ZCCHC24: variants seen among roughly 807,000 people sequenced by gnomAD.
The protein encoded by ZCCHC24 is zinc finger CCHC-type containing 24, also known as zinc finger CCHC domain-containing protein 24.
A neutral mutation model predicts 26.2 loss-of-function variants in ZCCHC24; 10 were observed. The observed-to-expected ratio is 0.38, with a 90% CI of 0.24 to 0.65. ZCCHC24 has a LOEUF of 0.65. Ranked by LOEUF, ZCCHC24 falls within the 30% of genes least tolerant of loss-of-function variation. The pLI is 0.54. For synonymous variants in ZCCHC24, 144 were observed against 147.1 expected (o/e 0.98, Z 0.15); for missense variants, 243 against 329.1 (o/e 0.74, Z 2.03).
At chr10:79,415,746 C>T (rs1856851046) in intron 2 of ZCCHC24, among the ~76,000 whole-genome samples, 1 of 152,138 alleles carries the variant, frequency 6.6e-6, no homozygotes, top group Admixed American at 6.5e-5. Context: ...AGAGCCTCTG[C>T]CCAACTTCAG....
At chr10:79,386,542 GAGAC>G (rs1051751754) in intron 3 of ZCCHC24, 84 bp from the exon 4 acceptor site, 6 of 1,109,262 alleles carry the variant, frequency 5.4e-6, no homozygotes, top group Non-Finnish European at 7.7e-6. Flanking sequence ...GAGACACACA[GAGAC>G]AGACAGGTGA....
At chr10:79,436,731 A>G (rs1057319965) in intron 1 of ZCCHC24, among the ~76,000 whole-genome samples, 2 of 152,244 alleles carry the variant, frequency 1.3e-5, no homozygotes, top group African/African-American at 4.8e-5. Flanking sequence ...CAGATGCCCT[A>G]GCGGTCTCAT....
chr10:79,403,151 C>T (rs1856660610), intron 2 of ZCCHC24, among the ~76,000 whole-genome samples: 1 of 152,378 alleles, frequency 6.6e-6, no homozygotes, highest in South Asian at 2.1e-4. Flanking sequence ...CGGACTCACA[C>T]CTGTGAAAAC....
At chr10:79,425,556 C>T (rs558006381) in intron 2 of ZCCHC24, among the ~76,000 whole-genome samples, 1 of 152,312 alleles carries the variant, frequency 6.6e-6, no homozygotes, top group South Asian at 2.1e-4. Context: ...ATTGAAAAAG[C>T]ATGCGCTCTG....
chr10:79,408,020 AG>A (rs1589666137), intron 2 of ZCCHC24, among the ~76,000 whole-genome samples: 1 of 152,310 alleles, frequency 6.6e-6, no homozygotes, highest in East Asian at 1.9e-4. Flanking sequence ...CGGGCTGCTC[AG>A]GGGCTCCAGC....
intron 3 of ZCCHC24, among the ~76,000 whole-genome samples, chr10:79,393,300 C>T (rs1018916396): frequency 6.6e-6 from 1 of 152,212 alleles, no homozygotes; most frequent in African/African-American, 2.4e-5. Context: ...TAACCTGTAT[C>T]AGAGGACCCC....
At chr10:79,427,678 A>C (rs1857052588) in intron 2 of ZCCHC24, among the ~76,000 whole-genome samples, 1 of 152,072 alleles carries the variant, frequency 6.6e-6, no homozygotes, top group African/African-American at 2.4e-5. Context: ...AACTTATGGG[A>C]TGGGGCTCAG....
chr10:79,434,075 C>T (rs776776693), intron 1 of ZCCHC24, among the ~76,000 whole-genome samples: 6 of 152,218 alleles, frequency 3.9e-5, no homozygotes, highest in Non-Finnish European at 7.3e-5. Context: ...GTTCTTGGTG[C>T]CTCAGGACAC....
At chr10:79,428,210 A>G (rs1392430830) in intron 2 of ZCCHC24, among the ~76,000 whole-genome samples, 1 of 152,244 alleles carries the variant, frequency 6.6e-6, no homozygotes, top group Non-Finnish European at 1.5e-5. Flanking sequence ...AAATGGATAC[A>G]TGCTACAGTG....
rs1049312610 is a variant in ZCCHC24 at position 79,385,003 on chromosome 10, C to T, written c.*1342G>A. 6.6e-6 allele frequency: 1 copy of T among 152,208 alleles called. No homozygotes were observed. Among genetic ancestry groups the T allele is most frequent in the Non-Finnish European group, 1.5e-5 (1 of 68,046 alleles). 9.4% of individuals were successfully genotyped at this position (152,208 alleles called of 1,614,324 possible). On this transcript the variant is annotated 3_prime_UTR_variant, in exon 4 of 4. Transcript: ENST00000372336. This position sits in a 1 kb window ranked among gnomAD's most constrained non-coding sequence, Gnocchi z 4.3. ...TGGCCACGGACGTGCCACGAGGCCT[C>T]TCTGCTCCCTTGGGAGGTAGGAAAT...
intron 2 of ZCCHC24, among the ~76,000 whole-genome samples, chr10:79,432,127 A>G (rs931885663): frequency 1.3e-5 from 2 of 152,196 alleles, no homozygotes; most frequent in Admixed American, 6.5e-5. Context: ...GGTGGGGTTC[A>G]GGGGAGGGGG....
At chr10:79,394,462 C>A in intron 2 of ZCCHC24, 22 bp from the exon 3 acceptor site, 3 of 1,609,712 alleles carry the variant, frequency 1.9e-6, no homozygotes, top group Middle Eastern at 1.7e-4. Flanking sequence ...GAAGCAAACA[C>A]AGGGGATTGG....
At position 79,384,489 on chromosome 10, in the gene ZCCHC24, G is replaced by A. The variant is rs922874153; in HGVS notation, c.*1856C>T. 6.6e-6 allele frequency: 1 copy of A among 152,478 alleles called. No individual in the cohort carries two copies. Among genetic ancestry groups the A allele is most frequent in the African/African-American group, 2.4e-5 (1 of 41,460 alleles). The allele number at this position is 152,478 out of a possible 1,614,324, so 9.4% of individuals were successfully genotyped here. A position where few individuals can be genotyped will look rare whatever the true frequency, so the allele number is the denominator to read the frequency against. On this transcript the variant is annotated 3_prime_UTR_variant, in exon 4 of 4. Coordinates refer to ENST00000372336, the MANE Select transcript of ZCCHC24 (RefSeq NM_153367.4). Reference sequence around the variant, plus strand: ...AACCCCAGCTCACCTCAACACCTTGGAGAAGACGGGGAACAACGTGCTCGG... The same window carrying A: ...AACCCCAGCTCACCTCAACACCTTGAAGAAGACGGGGAACAACGTGCTCGG...
At chr10:79,428,642 T>C (rs953007632) in intron 2 of ZCCHC24, among the ~76,000 whole-genome samples, 2 of 151,972 alleles carry the variant, frequency 1.3e-5, no homozygotes, top group African/African-American at 2.4e-5. Context: ...CAAGTGGAAA[T>C]TAATGAGATA....
intron 2 of ZCCHC24, among the ~76,000 whole-genome samples, chr10:79,421,248 G>A (rs2132205259): frequency 6.6e-6 from 1 of 152,308 alleles, no homozygotes; most frequent in East Asian, 1.9e-4. Context: ...GACATTCCAG[G>A]TTCTGTGCCA....
At chr10:79,394,186 C>T (rs754425957) in intron 3 of ZCCHC24, 90 bp downstream of exon 3, 16 of 1,509,392 alleles carry the variant, frequency 1.1e-5, no homozygotes, top group Middle Eastern at 1.9e-4. Flanking sequence ...AGAGAGATCT[C>T]CCTTGTAGGA....
rs1232324146 is a variant in ZCCHC24, at chr10:79,432,742, A to G, written c.263T>C (p.Val88Ala). The change falls in exon 2 of 4, where the codon GTG becomes GCG. Residue 88 changes from valine to alanine, a missense_variant. Transcript: ENST00000372336. ...LQRGEALSNS[V>A]YKGASPYGSL... ...GCCATAGGGTGAGGCGCCCTTGTAC[A>G]CACTGTTGCTCAGCGCCTGTGGGAG... is the stretch of plus-strand genomic sequence containing the variant. 1 of 1,608,588 alleles carries G rather than the reference A, an allele frequency of 6.2e-7. No individual in the cohort carries two copies. The highest frequency in any genetic ancestry group is 1.7e-5 in the Admixed American group (1 of 58,470).
At chr10:79,394,534 C>A in intron 2 of ZCCHC24, 94 bp from the exon 3 acceptor site, 2 of 1,536,378 alleles carry the variant, frequency 1.3e-6, no homozygotes, top group East Asian at 4.5e-5. Flanking sequence ...GTCTTCATGT[C>A]CTGTGTCCAT....
At chr10:79,393,405 G>A (rs1472955575) in intron 3 of ZCCHC24, among the ~76,000 whole-genome samples, 1 of 152,156 alleles carries the variant, frequency 6.6e-6, no homozygotes, top group Admixed American at 6.5e-5. Flanking sequence ...CCTGGGGTGG[G>A]ACTGTTCTCC....
Sources: allele counts gnomAD v4.1 joint callset (sites outside exome capture counted in the v4.1 genomes callset), GRCh38; gene constraint gnomAD v4.1.1; non-coding constraint Gnocchi (gnomAD v3.1); transcripts MANE v1.5; gene names NCBI Gene and HGNC (gene_info 2026-07-23, HGNC 2026-07-21).